Variants in MIPOL1 observed in about 807,000 individuals in gnomAD.
MIPOL1 encodes mirror-image polydactyly 1.
MIPOL1 carries 57 observed loss-of-function variants against 60.9 expected under a neutral mutation model. The observed-to-expected ratio is 0.94, with a 90% CI of 0.76 to 1.17. The LOEUF is 1.17. Ranked by LOEUF, MIPOL1 falls within the 50% of genes most tolerant of loss-of-function variation. The pLI, the probability that MIPOL1 is intolerant of heterozygous loss-of-function variation, is 0.00. For missense variants in MIPOL1, 551 were observed against 511.6 expected (o/e 1.08, Z -0.74); for synonymous variants, 179 against 168.8 (o/e 1.06, Z -0.47).
intron 11 of MIPOL1, among the ~76,000 whole-genome samples, chr14:37,436,438 A>G (rs1296237030): frequency 6.6e-6 from 1 of 152,188 alleles, no homozygotes; most frequent in East Asian, 1.9e-4. Flanking sequence ...AAATGAATTA[A>G]AGATTTTTAT....
intron 1 of MIPOL1, among the ~76,000 whole-genome samples, chr14:37,222,696 T>C (rs1374580341): frequency 6.6e-6 from 1 of 152,204 alleles, no homozygotes. Context: ...ATTCTAATCA[T>C]GATCTCTTAA....
rs1684957206 is a variant in MIPOL1 at position 37,298,455 on chromosome 14, T to A, written c.624-9601T>A. 2.6e-5 allele frequency among the ~76,000 whole-genome samples: 4 copies of A among 152,090 alleles called. No homozygotes were observed. In the South Asian group the frequency reaches 6.2e-4, roughly 24 times the overall value. On this transcript the variant is annotated intron_variant, in intron 7 of 12. Coordinates refer to ENST00000684589, the MANE Select transcript of MIPOL1 (RefSeq NM_001388067.1). ...CAAAAGCCAAAATTGACAAATGGGA[T>A]CTAATTAAATGAAAGAGCTTCTGCA...
chr14:37,453,728 C>A (rs1390192289), intron 11 of MIPOL1, among the ~76,000 whole-genome samples: 1 of 152,086 alleles, frequency 6.6e-6, no homozygotes, highest in Non-Finnish European at 1.5e-5. Flanking sequence ...ATAAGTTAAA[C>A]AGAATTAGCC....
At chr14:37,529,187 A>G (rs1009761903) in intron 12 of MIPOL1, among the ~76,000 whole-genome samples, 60 of 152,330 alleles carry the variant, frequency 3.9e-4, no homozygotes, top group African/African-American at 1.3e-3. Flanking sequence ...AAAACATTTT[A>G]TCACTTTTTG....
At chr14:37,247,606 A>G (rs1323075458) in intron 2 of MIPOL1, among the ~76,000 whole-genome samples, 2 of 152,142 alleles carry the variant, frequency 1.3e-5, no homozygotes, top group Non-Finnish European at 2.9e-5. Flanking sequence ...TGTCTAAAAA[A>G]CTTAACCTGA....
intron 10 of MIPOL1, among the ~76,000 whole-genome samples, chr14:37,375,795 C>A (rs1339119766): frequency 1.3e-5 from 2 of 151,754 alleles, no homozygotes; most frequent in Non-Finnish European, 2.9e-5. Context: ...CCATGTTACC[C>A]AGGCTGATCT....
chr14:37,450,806 G>C (rs1401514436), intron 11 of MIPOL1, among the ~76,000 whole-genome samples: 1 of 151,796 alleles, frequency 6.6e-6, no homozygotes, highest in Non-Finnish European at 1.5e-5. Context: ...TCTTCAACTT[G>C]ATTTCAAGTC....
At chr14:37,256,697 A>T (rs1974976991) in intron 3 of MIPOL1, among the ~76,000 whole-genome samples, 1 of 151,834 alleles carries the variant, frequency 6.6e-6, no homozygotes, top group Non-Finnish European at 1.5e-5. Flanking sequence ...ATGACAAAAA[A>T]TTTTTTTCGT....
chr14:37,456,815 A>T (rs1369747764), intron 11 of MIPOL1, among the ~76,000 whole-genome samples: 2 of 152,110 alleles, frequency 1.3e-5, no homozygotes, highest in Admixed American at 6.6e-5. Flanking sequence ...AATATGAAAA[A>T]AGCTCATTGT....
rs1408641563 is a variant in MIPOL1, at chr14:37,247,943, G to C, written c.19+36G>C. The C allele has an allele frequency of 2.5e-6, 4 of 1,608,194 alleles. No homozygotes were observed. In the East Asian group the frequency reaches 9.0e-5, roughly 36 times the overall value. On this transcript the variant is annotated intron_variant, in intron 3 of 12. Coordinates refer to ENST00000684589, the MANE Select transcript of MIPOL1 (RefSeq NM_001388067.1). ...TTAAGGTATTAATACCAAGCCCCAG[G>C]TGTTGTTCTAGTTCAAGGCACTGAG...
chr14:37,428,171 G>A (rs896182165), intron 11 of MIPOL1, among the ~76,000 whole-genome samples: 2 of 152,174 alleles, frequency 1.3e-5, no homozygotes, highest in Non-Finnish European at 2.9e-5. Context: ...CTGTGAAGCA[G>A]CAAAAGAGAA....
intron 11 of MIPOL1, among the ~76,000 whole-genome samples, chr14:37,425,554 T>A (rs1392637244): frequency 6.6e-6 from 1 of 152,158 alleles, no homozygotes; most frequent in Non-Finnish European, 1.5e-5. Context: ...ACATGTGTGG[T>A]CGTGTATAAA....
At chr14:37,244,252 TG>T (rs1250836009) in intron 1 of MIPOL1, among the ~76,000 whole-genome samples, 6 of 151,334 alleles carry the variant, frequency 4.0e-5, no homozygotes, top group Non-Finnish European at 7.4e-5. Flanking sequence ...CCCGAGTAGC[TG>T]GGGACTACAG....
chr14:37,491,946 C>T (rs1409337153), intron 11 of MIPOL1, among the ~76,000 whole-genome samples: 1 of 152,128 alleles, frequency 6.6e-6, no homozygotes, highest in Non-Finnish European at 1.5e-5. Flanking sequence ...AGAATTAAGG[C>T]CTATTATACT....
rs148282129 is a variant in MIPOL1, at chr14:37,393,536, C to G, written c.936+23912C>G. Among the ~76,000 whole-genome samples, 255 of 151,530 alleles carry G rather than the reference C, an allele frequency of 1.7e-3. 1 individual carries two copies. The highest frequency in any genetic ancestry group is 5.8e-3 in the African/African-American group (240 of 41,306). On this transcript the variant is annotated intron_variant, in intron 10 of 12. Transcript: ENST00000684589. ...TGGTTCATTCTTCTTTTTCTAGGCT[C>G]CTTGTAGTGTTTTTTAGTGATCATC...
intron 11 of MIPOL1, 83 bp from the exon 12 acceptor site, chr14:37,499,825 C>G (rs2095189006): frequency 3.3e-6 from 2 of 598,592 alleles, no homozygotes; most frequent in South Asian, 4.0e-5. Context: ...ACTAGAGATT[C>G]TAAATGGAGG....
chr14:37,358,242 A>T (rs1047234425), intron 9 of MIPOL1, among the ~76,000 whole-genome samples: 2 of 152,070 alleles, frequency 1.3e-5, no homozygotes, highest in African/African-American at 4.8e-5. Context: ...TCTATTATTG[A>T]TGGGCATTTG....
In MIPOL1 at chr14:37,266,957, T is replaced by A; in HGVS notation, c.39T>A (p.Leu13=). The A allele has an allele frequency of 6.2e-7, 1 of 1,612,176 alleles. No homozygotes were observed. The highest frequency in any genetic ancestry group is 1.7e-4 in the Middle Eastern group (1 of 6,058). ...ATACAGACATAACCCACAGTTATCT[T>A]GAACAAGAAACTACGGGGATAAATA... ...NWSKDITHSY[L]EQETTGINKS... Residue 13 remains leucine, a synonymous_variant, in exon 4 of 13, where the codon CTT becomes CTA. Coordinates refer to ENST00000684589, the MANE Select transcript of MIPOL1 (RefSeq NM_001388067.1).
At chr14:37,378,951 A>G (rs1244351618) in intron 10 of MIPOL1, among the ~76,000 whole-genome samples, 1 of 152,130 alleles carries the variant, frequency 6.6e-6, no homozygotes, top group African/African-American at 2.4e-5. Context: ...AGTGAAAGGT[A>G]GAAATTTATA....
Sources: allele counts gnomAD v4.1 joint callset (sites outside exome capture counted in the v4.1 genomes callset), GRCh38; gene constraint gnomAD v4.1.1; transcripts MANE v1.5; gene names NCBI Gene and HGNC (gene_info 2026-07-23, HGNC 2026-07-21).